APP: variants seen among roughly 807,000 people sequenced by gnomAD.
APP encodes amyloid beta precursor protein, also known as amyloid-beta precursor protein.
Under a neutral mutation model 101.4 loss-of-function variants are expected in APP, and 31 were observed. The ratio of observed to expected loss-of-function variants is 0.31; its 90% CI spans 0.23 to 0.41. APP has a LOEUF of 0.41. APP is among the 10% of genes least tolerant of loss of function. APP has a pLI of 1.00. For missense variants in APP, 839 were observed against 1,003.7 expected, an observed-to-expected ratio of 0.84 and a Z score of 2.22; for synonymous variants, 366 against 364.4, an observed-to-expected ratio of 1.00 and a Z score of -0.05.
chr21:26,114,371 C>T (rs1206852168), intron 1 of APP, among the ~76,000 whole-genome samples: 1 of 152,160 alleles, frequency 6.6e-6, no homozygotes, highest in Non-Finnish European at 1.5e-5. Flanking sequence ...CACAATGTAT[C>T]AGGGTCTGTC....
chr21:26,020,427 T>C (rs765595421), intron 6 of APP, among the ~76,000 whole-genome samples: 10 of 152,140 alleles, frequency 6.6e-5, no homozygotes, highest in Non-Finnish European at 1.5e-4. Flanking sequence ...ATGAAACTTA[T>C]ATGTAAATTA....
intron 5 of APP, among the ~76,000 whole-genome samples, chr21:26,049,205 T>C (rs1225259139): frequency 1.3e-5 from 2 of 151,470 alleles, no homozygotes; most frequent in Non-Finnish European, 2.9e-5. Flanking sequence ...AGACTGAAAA[T>C]GCAAGAAAGG....
chr21:26,063,643 T>C (rs1382409691), intron 3 of APP, among the ~76,000 whole-genome samples: 1 of 152,118 alleles, frequency 6.6e-6, no homozygotes, highest in Non-Finnish European at 1.5e-5. Flanking sequence ...GGATTAGAAA[T>C]CAAAGTACAA....
Position 26,076,732 on chromosome 21 carries a change from G to A in APP, c.355+13211C>T, listed in dbSNP as rs374691804. ...GCTTTATCTAATTCAAAGTTAGGAC[G>A]CCTTTAACAGTAACTTGACTTGCAA... On this transcript the variant is annotated intron_variant, in intron 3 of 17. Transcript: ENST00000346798. Among the ~76,000 whole-genome samples, 13 of 152,258 alleles carry A rather than the reference G, an allele frequency of 8.5e-5. No homozygotes were observed. The East Asian group carries it at 2.1e-3, about 25-fold the overall frequency.
intron 17 of APP, among the ~76,000 whole-genome samples, chr21:25,888,338 C>T (rs2037473906): frequency 6.6e-6 from 1 of 152,156 alleles, no homozygotes; most frequent in African/African-American, 2.4e-5. Flanking sequence ...CCACCGTGCT[C>T]TCTCACCTGG....
chr21:26,028,114 T>C (rs2044661954), intron 5 of APP, among the ~76,000 whole-genome samples: 1 of 150,134 alleles, frequency 6.7e-6, no homozygotes. Context: ...GAGAATCACT[T>C]GAACTCAGGA....
At chr21:26,154,994 G>A (rs1178284193) in intron 1 of APP, among the ~76,000 whole-genome samples, 4 of 152,236 alleles carry the variant, frequency 2.6e-5, no homozygotes, top group African/African-American at 7.2e-5. Flanking sequence ...GCTCACAACT[G>A]TAATCCCGGC....
intron 14 of APP, among the ~76,000 whole-genome samples, 200 bp downstream of exon 14, chr21:25,911,539 TAC>T (rs776397487): frequency 5.3e-5 from 8 of 152,210 alleles, no homozygotes; most frequent in Non-Finnish European, 8.8e-5. Flanking sequence ...AAGAATAATT[TAC>T]ACAGATATAT....
At chr21:26,044,690 C>T (rs945563211) in intron 5 of APP, among the ~76,000 whole-genome samples, 2 of 152,138 alleles carry the variant, frequency 1.3e-5, no homozygotes, top group Non-Finnish European at 2.9e-5. Context: ...CAGGCATGCG[C>T]CACCACGCCT....
intron 17 of APP, among the ~76,000 whole-genome samples, chr21:25,890,579 A>G (rs1183640442): frequency 6.6e-6 from 1 of 152,154 alleles, no homozygotes; most frequent in African/African-American, 2.4e-5. Context: ...TGTCTCTACT[A>G]AAAACAAAAA....
At chr21:25,943,858 A>C (rs1281778072) in intron 13 of APP, among the ~76,000 whole-genome samples, 2 of 152,224 alleles carry the variant, frequency 1.3e-5, no homozygotes, top group Admixed American at 1.3e-4. Context: ...ATTTGACAAA[A>C]TCTATTTGCT....
chr21:25,909,534 G>T (rs387635), intron 14 of APP, among the ~76,000 whole-genome samples: 152,330 of 152,330 alleles, frequency 1, 76,165 homozygotes, highest in Non-Finnish European at 1. Flanking sequence ...TTAATCAAGG[G>T]CTTTGCTCAA....
At chr21:25,916,567 C>T (rs1227727538) in intron 13 of APP, among the ~76,000 whole-genome samples, 1 of 152,180 alleles carries the variant, frequency 6.6e-6, no homozygotes, top group African/African-American at 2.4e-5. Flanking sequence ...CACACCGAAA[C>T]CACACTTCCA....
chr21:26,087,552 G>A (rs1056162383), intron 3 of APP, among the ~76,000 whole-genome samples: 2 of 152,228 alleles, frequency 1.3e-5, no homozygotes, highest in Non-Finnish European at 2.9e-5. Context: ...GAGGATGAAA[G>A]AGAAATCTGA....
intron 1 of APP, among the ~76,000 whole-genome samples, chr21:26,129,246 G>A (rs1330458917): frequency 3.3e-5 from 5 of 152,124 alleles, no homozygotes; most frequent in African/African-American, 1.2e-4. Context: ...GCCGAGGCAG[G>A]TGGATCATGA....
At chr21:26,164,878 C>A (rs1374257087) in intron 1 of APP, among the ~76,000 whole-genome samples, 1 of 147,576 alleles carries the variant, frequency 6.8e-6, no homozygotes. Flanking sequence ...AAAAGGTCTA[C>A]ATCCATGTTA....
At chr21:26,091,419 C>T (rs1046406310) in intron 2 of APP, among the ~76,000 whole-genome samples, 1 of 151,928 alleles carries the variant, frequency 6.6e-6, no homozygotes, top group African/African-American at 2.4e-5. Context: ...TTGGTCATTG[C>T]AAGGAGTATA....
chr21:26,167,270 G>A (rs1003832515), intron 1 of APP, among the ~76,000 whole-genome samples: 4 of 152,158 alleles, frequency 2.6e-5, no homozygotes, highest in Non-Finnish European at 5.9e-5. Context: ...AGGGAGGAGG[G>A]AAGGGGAGGT....
chr21:26,147,606 G>GA (rs35269152), intron 1 of APP, among the ~76,000 whole-genome samples: 54 of 150,776 alleles, frequency 3.6e-4, no homozygotes, highest in South Asian at 2.7e-3. Context: ...TAACTTAAAA[G>GA]AAAAAAAAAA....
Sources: gnomAD v4.1 joint callset for allele counts (sites outside exome capture counted in the v4.1 genomes callset) on GRCh38, gnomAD v4.1.1 for gene constraint, MANE v1.5 for transcripts, NCBI Gene and HGNC (gene_info 2026-07-23, HGNC 2026-07-21) for gene names.